The following ATAD3C variants were observed in gnomAD, a reference collection of about 807,000 sequenced individuals.
ATAD3C encodes ATPase family AAA domain-containing protein 3C.
ATAD3C carries 38 observed loss-of-function variants against 46.3 expected under a neutral mutation model. The observed-to-expected ratio is 0.82, with a 90% CI of 0.63 to 1.08. The LOEUF is 1.08. ATAD3C is among the 50% of genes least tolerant of loss of function. The probability of loss-of-function intolerance (pLI) is 0.00; values close to 1 mark genes in which losing one functional copy is unlikely to be tolerated. For missense variants in ATAD3C, 563 were observed against 572.7 expected, an observed-to-expected ratio of 0.98 and a Z score of 0.17; for synonymous variants, 220 against 236.4, an observed-to-expected ratio of 0.93 and a Z score of 0.63.
rs2100483397 is a variant in ATAD3C at position 1,459,300 on chromosome 1, A to G, written c.812+69A>G. The G allele has an allele frequency of 1.7e-5, 27 of 1,608,248 alleles. No individual in the cohort carries two copies. In the South Asian group the frequency reaches 3.0e-4, roughly 18 times the overall value. On this transcript the variant is annotated intron_variant, in intron 9 of 11. Coordinates refer to ENST00000378785, the MANE Select transcript of ATAD3C (RefSeq NM_001039211.3). This position sits in a 1 kb window ranked among gnomAD's most constrained non-coding sequence, Gnocchi z 4.9. Reference sequence around the variant, plus strand: ...CAGCCGTCACCCTTGGTTCCCACCGAGGGACCTGAGGGGCCCTGGCTCACA... The same window carrying G: ...CAGCCGTCACCCTTGGTTCCCACCGGGGGACCTGAGGGGCCCTGGCTCACA...
chr1:1,452,433 C>G lies in ATAD3C; in HGVS notation c.221C>G (p.Thr74Arg), dbSNP rs377228484. 50 of 1,613,568 alleles carry G rather than the reference C, an allele frequency of 3.1e-5. 1 individual carries two copies. In the African/African-American group the frequency reaches 4.5e-4, roughly 15 times the overall value. The change falls in exon 3 of 12, where the codon ACG becomes AGG. Residue 74 changes from threonine (T) to arginine (R), a missense_variant and splice_region_variant. Physicochemically the swap from Thr to Arg is moderately conservative, Grantham distance 71. Transcript: ENST00000378785. ...ACAGACCGGGACAAAGTGACAGCCA[C>G]GGTAAACATACTCATAAAACAGGGC... The part of the protein sequence containing the change: ...FVTDRDKVTA[T>R]VAGLTLLAVG...
intron 3 of ATAD3C, among the ~76,000 whole-genome samples, chr1:1,453,993 C>T (rs950442031): frequency 6.6e-6 from 1 of 151,972 alleles, no homozygotes; most frequent in African/African-American, 2.4e-5. Context: ...TCTTGTTTTC[C>T]AGGAATAAAG....
intron 8 of ATAD3C, among the ~76,000 whole-genome samples, chr1:1,457,601 AAAAAAAAAAAAAAC>A (rs1429225131): frequency 2.7e-5 from 4 of 149,838 alleles, no homozygotes; most frequent in African/African-American, 9.9e-5. Flanking sequence ...ATCTCAAAAA[AAAAAAAAAAAAAAC>A]AAAAAAAACA....
Position 1,462,852 on chromosome 1 carries a change from C to CCG in ATAD3C, c.1089+144_1089+145insCG. Reference sequence around the variant, plus strand: ...AGTGCACAGATGTGACACGGGGCCCCTGCCCCAGTTGGGCCACTCCACGCA... The same window carrying CCG: ...AGTGCACAGATGTGACACGGGGCCCCCGTGCCCCAGTTGGGCCACTCCACGCA... On this transcript the variant is annotated intron_variant, in intron 11 of 11. Transcript: ENST00000378785. The surrounding 1 kb of genome is among the most constrained non-coding windows in gnomAD (Gnocchi z 4.5). The CCG allele has an allele frequency of 2.8e-6, 3 of 1,058,784 alleles. No homozygotes were observed. The highest frequency in any genetic ancestry group is 2.7e-6 in the Non-Finnish European group (2 of 740,330). The allele number at this position is 1,058,784 out of a possible 1,614,324, so 65.6% of individuals were successfully genotyped here. A position where few individuals can be genotyped will look rare whatever the true frequency, so the allele number is the denominator to read the frequency against.
At chr1:1,455,216 C>CAAA (rs56939451) in intron 4 of ATAD3C, among the ~76,000 whole-genome samples, 2 of 49,262 alleles carry the variant, frequency 4.1e-5, no homozygotes, top group Non-Finnish European at 1.0e-4. Context: ...GACTCCGTCT[C>CAAA]AAAAAAAAAA....
chr1:1,460,701 C>T, intron 9 of ATAD3C, 49 bp from the exon 10 acceptor site: 2 of 1,542,544 alleles, frequency 1.3e-6, no homozygotes, highest in Non-Finnish European at 1.7e-6. Flanking sequence ...CCCCTGGGGA[C>T]AGCTCGGCCG....
In ATAD3C at chr1:1,459,083, A is replaced by T; in HGVS notation, c.742-78A>T. The T allele has an allele frequency of 6.4e-7, 1 of 1,563,444 alleles. No homozygotes were observed. ...CATGTCCCTGCTCCCTGCAGGAGGG[A>T]GGCCTGTGGGACTTTCTGCTGTGGC... On this transcript the variant is annotated intron_variant, in intron 8 of 11. Transcript: ENST00000378785. This position sits in a 1 kb window ranked among gnomAD's most constrained non-coding sequence, Gnocchi z 4.9.
At chr1:1,460,556 A>G (rs892115635) in intron 9 of ATAD3C, among the ~76,000 whole-genome samples, 194 bp from the exon 10 acceptor site, 7 of 152,120 alleles carry the variant, frequency 4.6e-5, no homozygotes, top group East Asian at 3.9e-4. Context: ...GGGCAGGGGG[A>G]CAGCTGGGCG....
At position 1,457,166 on chromosome 1, in the gene ATAD3C, C is replaced by A. The variant is rs536232078; in HGVS notation, c.727C>A (p.Arg243=). The change falls in exon 8 of 12, where the codon CGG becomes AGG. Residue 243 remains arginine (R), a synonymous_variant. Transcript: ENST00000378785. ...TGTGGATGAAGCGGACGCCTTCCTT[C>A]GGAAGCGAGCCACTGTGAGTGTCAC... ...LFVDEADAFL[R]KRATEKISED... The A allele has an allele frequency of 1.2e-6, 2 of 1,613,178 alleles. No individual in the cohort carries two copies. The highest frequency in any genetic ancestry group is 1.7e-6 in the Non-Finnish European group (2 of 1,179,654).
rs1336190818 is a variant in ATAD3C at position 1,462,277 on chromosome 1, G to A, written c.981-323G>A. On this transcript the variant is annotated intron_variant, in intron 10 of 11. Transcript: ENST00000378785. The surrounding 1 kb of genome is among the most constrained non-coding windows in gnomAD (Gnocchi z 4.5). ...CTGGCACCATGACCTGGCTTCTGTG[G>A]CCTCCAGGCAGAAGCTTTTTTGCTA... 1.3e-5 allele frequency among the ~76,000 whole-genome samples: 2 copies of A among 152,022 alleles called. No individual in the cohort carries two copies. The highest frequency in any genetic ancestry group is 4.8e-5 in the African/African-American group (2 of 41,412).
Position 1,468,725 on chromosome 1 carries a change from C to G in ATAD3C, c.*195C>G. ...CTGGGGTCAAAGGTGACAGAAAAGG[C>G]AGAAGCTGGGGCTTTCTGGAGGATT... On this transcript the variant is annotated 3_prime_UTR_variant, in exon 12 of 12. Coordinates refer to ENST00000378785, the MANE Select transcript of ATAD3C (RefSeq NM_001039211.3). 1 of 996,624 alleles carries G rather than the reference C, an allele frequency of 1.0e-6. No individual in the cohort carries two copies. Among genetic ancestry groups the G allele is most frequent in the Non-Finnish European group, 1.5e-6 (1 of 679,956 alleles). 61.7% of individuals were successfully genotyped at this position (996,624 alleles called of 1,614,324 possible).
chr1:1,465,589 TAAAAA>T (rs1156747431), intron 11 of ATAD3C, among the ~76,000 whole-genome samples: 1 of 110,522 alleles, frequency 9.0e-6, no homozygotes, highest in African/African-American at 3.5e-5. Flanking sequence ...AGACTGTCTT[TAAAAA>T]AAAAAAAAAA....
chr1:1,456,190 C>T (rs201959677), intron 6 of ATAD3C, 35 bp from the exon 7 acceptor site: 8 of 1,533,586 alleles, frequency 5.2e-6, no homozygotes, highest in African/African-American at 3.3e-5. Flanking sequence ...GCGGAGGGAA[C>T]ATCTGTTCTG....
intron 7 of ATAD3C, among the ~76,000 whole-genome samples, 161 bp from the exon 8 acceptor site, chr1:1,456,968 G>A (rs990001315): frequency 2.6e-5 from 4 of 151,998 alleles, no homozygotes; most frequent in African/African-American, 7.2e-5. Context: ...TGCTTCTGTC[G>A]GTGGATCAGC....
chr1:1,462,755 G>A lies in ATAD3C; in HGVS notation c.1089+47G>A. 6.5e-7 allele frequency: 1 copy of A among 1,549,192 alleles called. No individual in the cohort carries two copies. The highest frequency in any genetic ancestry group is 1.2e-5 in the South Asian group (1 of 85,038). On this transcript the variant is annotated intron_variant, in intron 11 of 11. Coordinates refer to ENST00000378785, the MANE Select transcript of ATAD3C (RefSeq NM_001039211.3). The surrounding 1 kb of genome is among the most constrained non-coding windows in gnomAD (Gnocchi z 4.5). ...CCACCCAGATGGAAGCCCAGCTGCT[G>A]TGCAGATGCTTGGTTGCGCCAGGCC... is the stretch of plus-strand genomic sequence containing the variant.
chr1:1,455,051 T>A (rs1207079337), intron 4 of ATAD3C, among the ~76,000 whole-genome samples: 1 of 149,320 alleles, frequency 6.7e-6, no homozygotes, highest in Non-Finnish European at 1.5e-5. Flanking sequence ...CCATCTCTAC[T>A]AAAAAAATAC....
intron 11 of ATAD3C, among the ~76,000 whole-genome samples, chr1:1,463,741 T>A (rs1388488668): frequency 6.6e-6 from 1 of 151,456 alleles, no homozygotes; most frequent in East Asian, 1.9e-4. Flanking sequence ...CAAGAACCCA[T>A]CTCTACAAAA....
intron 8 of ATAD3C, among the ~76,000 whole-genome samples, chr1:1,457,436 T>C (rs1381342551): frequency 6.6e-6 from 1 of 150,592 alleles, no homozygotes; most frequent in Non-Finnish European, 1.5e-5. Context: ...CTACTAAAAA[T>C]ACAAAAAAAA....
chr1:1,460,297 T>C (rs1367713846), intron 9 of ATAD3C, among the ~76,000 whole-genome samples: 1 of 151,806 alleles, frequency 6.6e-6, no homozygotes, highest in Non-Finnish European at 1.5e-5. Context: ...AGTCAGCTGG[T>C]GTTGAACTCC....
Sources: allele counts gnomAD v4.1 joint callset (sites outside exome capture counted in the v4.1 genomes callset), GRCh38; gene constraint gnomAD v4.1.1; non-coding constraint Gnocchi (gnomAD v3.1); transcripts MANE v1.5; gene names NCBI Gene and HGNC (gene_info 2026-07-23, HGNC 2026-07-21).